The following JAK1 variants were observed in gnomAD, a reference collection of about 807,000 sequenced individuals.
The protein encoded by JAK1 is Janus kinase 1, also known as tyrosine-protein kinase JAK1.
A neutral mutation model predicts 136.6 loss-of-function variants in JAK1; 16 were observed. The observed-to-expected ratio is 0.12, with a 90% CI of 0.08 to 0.18. The LOEUF (loss-of-function observed/expected upper bound fraction) is 0.18, where lower values mean the gene tolerates loss of function less well. Among genes scored for constraint, JAK1 ranks in the 10% least tolerant of loss-of-function variants. The pLI is 1.00. For synonymous variants in JAK1, 492 were observed against 519.5 expected (o/e 0.95, Z 0.72); for missense variants, 859 against 1,450.1 (o/e 0.59, Z 6.62).
At chr1:64,966,799 G>A (rs900650538), upstream of JAK1, among the ~76,000 whole-genome samples, 10 of 151,542 alleles carry the variant, frequency 6.6e-5, no homozygotes, top group African/African-American at 2.2e-4. Context: ...TAGGACGCGA[G>A]GTCATCTATC....
chr1:64,913,332 C>T (rs914662046), intron 1 of JAK1, among the ~76,000 whole-genome samples: 1 of 152,108 alleles, frequency 6.6e-6, no homozygotes, highest in African/African-American at 2.4e-5. Context: ...TAGGCATATA[C>T]TGGAACATAT....
intron 1 of JAK1, among the ~76,000 whole-genome samples, chr1:64,889,237 T>A (rs1354008922): frequency 6.9e-6 from 1 of 144,170 alleles, no homozygotes. Context: ...GGAAAAATCA[T>A]CAATGCTAGA....
chr1:64,901,744 T>G (rs931410147), intron 1 of JAK1, among the ~76,000 whole-genome samples: 2 of 152,210 alleles, frequency 1.3e-5, no homozygotes, highest in African/African-American at 4.8e-5. Flanking sequence ...ATCATCACTA[T>G]CTACTTCCAG....
chr1:64,959,250 T>C (rs959115384), intron 1 of JAK1, among the ~76,000 whole-genome samples: 7 of 152,180 alleles, frequency 4.6e-5, no homozygotes, highest in Non-Finnish European at 7.3e-5. Context: ...GGAAATACAT[T>C]TAAAATATTT....
rs1367374112 is a variant in JAK1 at position 64,844,038 on chromosome 1, T to C, written c.2403+26A>G. The stretch of plus-strand genomic sequence containing the variant: ...GAGCACCTGAAAGCCCTCACTTGCC[T>C]CACGCCCCGGGAAACACCTGCTCAC... On this transcript the variant is annotated intron_variant, in intron 17 of 24. Transcript: ENST00000342505. The surrounding 1 kb of genome is among the most constrained non-coding windows in gnomAD (Gnocchi z 5.7). The C allele has an allele frequency of 1.2e-6, 2 of 1,612,386 alleles. No homozygotes were observed. Among genetic ancestry groups the C allele is most frequent in the African/African-American group, 2.7e-5 (2 of 74,864 alleles).
intron 2 of JAK1, among the ~76,000 whole-genome samples, chr1:64,994,679 T>G (rs1477908380): frequency 6.6e-6 from 1 of 152,158 alleles, no homozygotes; most frequent in Non-Finnish European, 1.5e-5. Context: ...CAACACATGC[T>G]TTTTTGGGGC....
At chr1:65,050,558 C>G (rs1263629071) in intron 1 of JAK1, among the ~76,000 whole-genome samples, 2 of 152,118 alleles carry the variant, frequency 1.3e-5, no homozygotes, top group African/African-American at 4.8e-5. Context: ...ACCACACTGC[C>G]CAGGGCATCA....
At chr1:64,865,587 C>T (rs1557646508) in intron 7 of JAK1, among the ~76,000 whole-genome samples, 1 of 152,130 alleles carries the variant, frequency 6.6e-6, no homozygotes. Context: ...TCTCTTTGAG[C>T]CTCATTTTCC....
At position 64,860,217 on chromosome 1, in the gene JAK1, G is replaced by A. The variant is rs1656200118; in HGVS notation, c.1222C>T (p.Leu408=). The A allele has an allele frequency of 1.9e-6, 3 of 1,611,314 alleles. No homozygotes were observed. The highest frequency in any genetic ancestry group is 1.6e-4 in the Middle Eastern group (1 of 6,072). ...GTGAGCCGGAAGTAGCCATCTACCA[G>A]GGACACAAAGGACAAGGCCTCCTCG... The part of the protein sequence containing the change: ...SHEEALSFVS[L]VDGYFRLTAD... The change falls in exon 9 of 25, where the codon CTG becomes TTG. Residue 408 remains leucine (L), a synonymous_variant. Transcript: ENST00000342505.
chr1:65,054,882 G>A (rs1275215310), intron 1 of JAK1, among the ~76,000 whole-genome samples: 3 of 152,178 alleles, frequency 2.0e-5, no homozygotes, highest in African/African-American at 7.2e-5. Context: ...AATGCATAAA[G>A]ACATGGCAAT....
chr1:64,891,887 G>A (rs570914617), intron 1 of JAK1, among the ~76,000 whole-genome samples: 9 of 152,330 alleles, frequency 5.9e-5, no homozygotes, highest in South Asian at 4.1e-4. Flanking sequence ...CCCCAGAACC[G>A]TAAGTGCTGC....
intron 1 of JAK1, among the ~76,000 whole-genome samples, chr1:64,959,308 T>G (rs1646243351): frequency 6.6e-6 from 1 of 152,240 alleles, no homozygotes; most frequent in Admixed American, 6.5e-5. Flanking sequence ...CTTTGCACAC[T>G]TTTACATTTT....
chr1:65,017,885 C>T (rs1646903629), intron 2 of JAK1, among the ~76,000 whole-genome samples: 1 of 151,792 alleles, frequency 6.6e-6, no homozygotes, highest in Non-Finnish European at 1.5e-5. Context: ...CAGGATCTCA[C>T]TGCAAGCTCC....
At position 64,985,982 on chromosome 1, in the gene JAK1, G is replaced by T. The variant is rs563745721; in HGVS notation, c.-78+58498C>A. ...TCAAAGTGTTGATAAATTCCCTTAT[G>T]ATCATCTCAGGAGCATTGATGACCC... On this transcript the variant is annotated intron_variant, in intron 2 of 25. Coordinates refer to the JAK1 transcript ENST00000671954. The T allele has an allele frequency of 1.1e-4, 138 of 1,261,462 alleles. No individual in the cohort carries two copies. The Middle Eastern group carries it at 1.7e-3, about 16-fold the overall frequency. The allele number at this position is 1,261,462 out of a possible 1,614,324, so 78.1% of individuals were successfully genotyped here. A position where few individuals can be genotyped will look rare whatever the true frequency, so the allele number is the denominator to read the frequency against.
intron 1 of JAK1, among the ~76,000 whole-genome samples, chr1:64,957,679 G>A (rs1489612151): frequency 1.4e-5 from 2 of 145,862 alleles, no homozygotes; most frequent in Non-Finnish European, 3.0e-5. Context: ...GCGTGGTGGC[G>A]GGAGCCTGTA....
At chr1:64,880,591 T>C (rs558499255) in intron 3 of JAK1, among the ~76,000 whole-genome samples, 1 of 152,346 alleles carries the variant, frequency 6.6e-6, no homozygotes, top group African/African-American at 2.4e-5. Context: ...TATCTCTTTA[T>C]ATAAAAGTAC....
chr1:64,896,657 A>C (rs1218784713), intron 1 of JAK1, among the ~76,000 whole-genome samples: 1 of 152,220 alleles, frequency 6.6e-6, no homozygotes, highest in South Asian at 2.1e-4. Context: ...AACAAAAGAT[A>C]TATCGCCAAA....
At chr1:64,838,709 A>G (rs999504257) in intron 20 of JAK1, 120 bp from the exon 21 acceptor site, 2 of 922,622 alleles carry the variant, frequency 2.2e-6, no homozygotes, top group Admixed American at 5.1e-5. Context: ...CCTTCATTAC[A>G]GGCATGTTAC....
At chr1:64,957,760 T>G (rs1003750645) in intron 1 of JAK1, among the ~76,000 whole-genome samples, 1 of 113,964 alleles carries the variant, frequency 8.8e-6, no homozygotes, top group Non-Finnish European at 1.9e-5. Context: ...CTGGCTAACA[T>G]GGTGAAACCC....
Sources: gnomAD v4.1 joint callset for allele counts (sites outside exome capture counted in the v4.1 genomes callset) on GRCh38, gnomAD v4.1.1 for gene constraint, Gnocchi (gnomAD v3.1) non-coding constraint, MANE v1.5 for transcripts, NCBI Gene and HGNC (gene_info 2026-07-23, HGNC 2026-07-21) for gene names.